Variants in C20orf204 observed in about 807,000 individuals in gnomAD.
C20orf204 encodes chromosome 20 open reading frame 204.
In C20orf204, 6 loss-of-function variants were observed where a neutral mutation model predicts 3.6. The ratio of observed to expected loss-of-function variants is 1.68; its 90% CI spans 0.92 to 3.31. The LOEUF is 3.31. Among genes scored for constraint, C20orf204 ranks in the 30% most tolerant of loss-of-function variants. The pLI is 0.00. For missense variants in C20orf204, 167 were observed against 89.7 expected, an observed-to-expected ratio of 1.86 and a Z score of -3.48; for synonymous variants, 80 against 41.4, an observed-to-expected ratio of 1.93 and a Z score of -3.58.
rs763862555 is a variant in C20orf204 at position 64,038,030 on chromosome 20, A to G, written c.107A>G (p.His36Arg). 45 of 521,022 alleles carry G rather than the reference A, an allele frequency of 8.6e-5. No homozygotes were observed. Among genetic ancestry groups the G allele is most frequent in the Non-Finnish European group, 1.5e-4 (44 of 296,700 alleles). The allele number at this position is 521,022 out of a possible 1,614,324, so 32.3% of individuals were successfully genotyped here. The change falls in exon 2 of 4, where the codon CAC becomes CGC. Residue 36 changes from histidine (H) to arginine (R), a missense_variant. By Grantham distance (29) the His-to-Arg change is conservative (BLOSUM62 0). Coordinates refer to ENST00000636176, the MANE Select transcript of C20orf204 (RefSeq NM_001387010.1). ...TGCAGCGTCCCCGACGTGCTCCGCC[A>G]CTATCGCGCCATCATCTTCGAGGAT... ...PACSVPDVLR[H>R]YRAIIFEDLQ...
chr20:64,037,550 C>G (rs2059342207), intron 1 of C20orf204: 1 of 189,072 alleles, frequency 5.3e-6, no homozygotes, highest in Non-Finnish European at 1.1e-5. Context: ...GTGCTCCACC[C>G]CTTGCTGGCC....
upstream of C20orf204, chr20:64,034,884 C>T (rs1013486435): frequency 6.6e-6 from 1 of 152,398 alleles, no homozygotes; most frequent in Non-Finnish European, 1.5e-5. Flanking sequence ...CAGCCTGGCC[C>T]TGTACAGATG....
upstream of C20orf204, chr20:64,034,922 C>T (rs1341986750): frequency 2.0e-5 from 3 of 152,342 alleles, no homozygotes; most frequent in African/African-American, 7.2e-5. Flanking sequence ...GAAGGAAGCC[C>T]TTCTCTGACC....
At position 64,038,121 on chromosome 20, in the gene C20orf204, T is replaced by G; in HGVS notation, c.198T>G (p.Phe66Leu). 1.8e-6 allele frequency: 1 copy of G among 549,524 alleles called. No individual in the cohort carries two copies. Among genetic ancestry groups the G allele is most frequent in the African/African-American group, 2.0e-5 (1 of 49,638 alleles). 34.0% of individuals were successfully genotyped at this position (549,524 alleles called of 1,614,324 possible). A position where few individuals can be genotyped will look rare whatever the true frequency, so the allele number is the denominator to read the frequency against. Residue 66 changes from phenylalanine to leucine, a missense_variant, in exon 2 of 4, where the codon TTT (phenylalanine) becomes TTG (leucine). Phe to Leu is a conservative substitution (Grantham distance 22). Coordinates refer to ENST00000636176, the MANE Select transcript of C20orf204 (RefSeq NM_001387010.1). ...AGACCAGGCCAGGCTCCAGACACTT[T>G]CATTTCATACAGAAAAACCTGACTA... The part of the protein sequence containing the change: ...AEKTRPGSRH[F>L]HFIQKNLTRP...
chr20:64,037,342 AG>A (rs2059341322), intron 1 of C20orf204: 1 of 152,236 alleles, frequency 6.6e-6, no homozygotes, highest in African/African-American at 2.4e-5. Context: ...TGGGGGTACA[AG>A]GAGTCCCCAG....
rs1235796839 is a variant in C20orf204 at position 64,038,119 on chromosome 20, T to C, written c.196T>C (p.Phe66Leu). ...AEKTRPGSRH[F>L]HFIQKNLTRP... ...AAAGACCAGGCCAGGCTCCAGACAC[T>C]TTCATTTCATACAGAAAAACCTGAC... Residue 66 changes from phenylalanine to leucine, a missense_variant, in exon 2 of 4, where the codon TTT becomes CTT. Transcript: ENST00000636176. 7 of 546,030 alleles carry C rather than the reference T, an allele frequency of 1.3e-5. No homozygotes were observed. Among genetic ancestry groups the C allele is most frequent in the African/African-American group, 4.1e-5 (2 of 49,304 alleles). The allele number at this position is 546,030 out of a possible 1,614,324, so 33.8% of individuals were successfully genotyped here. A position where few individuals can be genotyped will look rare whatever the true frequency, so the allele number is the denominator to read the frequency against.
At chr20:64,036,809 GC>G (rs2059339153) in intron 1 of C20orf204, 1 of 152,556 alleles carries the variant, frequency 6.6e-6, no homozygotes. Flanking sequence ...AGGGGCCACA[GC>G]AAGCCATCTG....
intron 1 of C20orf204, 140 bp downstream of exon 1, chr20:64,036,466 T>G (rs2059338010): frequency 6.6e-6 from 1 of 152,402 alleles, no homozygotes; most frequent in Non-Finnish European, 1.5e-5. Flanking sequence ...TGCGTCCCTG[T>G]GGGTGGCACT....
In C20orf204 at chr20:64,038,987, G is replaced by A. The variant is rs754586249; in HGVS notation, c.*228G>A. On this transcript the variant is annotated 3_prime_UTR_variant, in exon 4 of 4. Coordinates refer to ENST00000636176, the MANE Select transcript of C20orf204 (RefSeq NM_001387010.1). ...GAAGGCCTCAATAAACGGAGCTGGC[G>A]CTGCGGGTCCGGCACTCCCTTCGCC... 1.4e-6 allele frequency: 1 copy of A among 704,118 alleles called. No homozygotes were observed. Among genetic ancestry groups the A allele is most frequent in the South Asian group, 1.5e-5 (1 of 67,680 alleles). The allele number at this position is 704,118 out of a possible 1,614,324, so 43.6% of individuals were successfully genotyped here.
At chr20:64,034,120 C>T (rs941487187), upstream of C20orf204, among the ~76,000 whole-genome samples, 2 of 152,160 alleles carry the variant, frequency 1.3e-5, no homozygotes, top group Admixed American at 6.5e-5. Context: ...GGGAGGAGGG[C>T]GCTGTCATGT....
chr20:64,036,814 C>T (rs969689100), intron 1 of C20orf204: 4 of 152,488 alleles, frequency 2.6e-5, no homozygotes, highest in African/African-American at 9.6e-5. Context: ...CCACAGCAAG[C>T]CATCTGCTCT....
chr20:64,036,911 G>C (rs972185222), intron 1 of C20orf204: 2 of 152,352 alleles, frequency 1.3e-5, no homozygotes, highest in Admixed American at 1.3e-4. Flanking sequence ...GGTGCTGCTT[G>C]TTCAGGCTCC....
chr20:64,038,738 C>T lies in C20orf204; in HGVS notation c.549C>T (p.Ala183=). ...TCWEKLFALR[A]PASRDS ...GGGAGAAGCTCTTCGCGCTGCGCGC[C>T]CCGGCCTCCAGGGACTCCTAGCGCG... The change falls in exon 4 of 4, where the codon GCC becomes GCT. Residue 183 remains alanine (A), a synonymous_variant. Coordinates refer to ENST00000636176, the MANE Select transcript of C20orf204 (RefSeq NM_001387010.1). 1 of 690,938 alleles carries T rather than the reference C, an allele frequency of 1.4e-6. No homozygotes were observed. The highest frequency in any genetic ancestry group is 1.5e-5 in the South Asian group (1 of 65,274). The allele number at this position is 690,938 out of a possible 1,614,324, so 42.8% of individuals were successfully genotyped here.
chr20:64,038,809 C>T lies in C20orf204; in HGVS notation c.*50C>T. On this transcript the variant is annotated 3_prime_UTR_variant, in exon 4 of 4. Transcript: ENST00000636176. ...GGGAGGAGAACCAGCGGGGCCGCGG[C>T]AGAGCCTGGAGACGCGCCTCGTTCT... 1.4e-6 allele frequency: 1 copy of T among 698,774 alleles called. No homozygotes were observed. Among genetic ancestry groups the T allele is most frequent in the Non-Finnish European group, 2.7e-6 (1 of 377,192 alleles). 43.3% of individuals were successfully genotyped at this position (698,774 alleles called of 1,614,324 possible). A position where few individuals can be genotyped will look rare whatever the true frequency, so the allele number is the denominator to read the frequency against.
chr20:64,038,647 C>T lies in C20orf204; in HGVS notation c.458C>T (p.Pro153Leu), dbSNP rs1210100341. The change falls in exon 4 of 4, where the codon CCT (proline) becomes CTT (leucine). Residue 153 changes from proline to leucine, a missense_variant. Physicochemically the swap from Pro to Leu is moderately conservative, Grantham distance 98. Transcript: ENST00000636176. ...CGGAGCCGGCGGCCCAAGATGCGCC[C>T]TGCCCGGCGTCGCGGCGGCCGAAGG... is the stretch of plus-strand genomic sequence containing the variant. ...RQRSRRPKMRPARRRGGRRQL... is the reference protein window; with the variant it reads ...RQRSRRPKMRLARRRGGRRQL... 5 of 620,762 alleles carry T rather than the reference C, an allele frequency of 8.1e-6. No individual in the cohort carries two copies. Among genetic ancestry groups the T allele is most frequent in the Non-Finnish European group, 1.4e-5 (5 of 350,068 alleles). 38.5% of individuals were successfully genotyped at this position (620,762 alleles called of 1,614,324 possible). A position where few individuals can be genotyped will look rare whatever the true frequency, so the allele number is the denominator to read the frequency against.
rs1467590089 is a variant in C20orf204, at chr20:64,038,173, C to T, written c.250C>T (p.Arg84Trp). 4 of 592,052 alleles carry T rather than the reference C, an allele frequency of 6.8e-6. No individual in the cohort carries two copies. Among genetic ancestry groups the T allele is most frequent in the Non-Finnish European group, 9.2e-6 (3 of 326,596 alleles). 36.7% of individuals were successfully genotyped at this position (592,052 alleles called of 1,614,324 possible). A position where few individuals can be genotyped will look rare whatever the true frequency, so the allele number is the denominator to read the frequency against. The change falls in exon 2 of 4, where the codon CGG (arginine) becomes TGG (tryptophan). Residue 84 changes from arginine to tryptophan, a missense_variant. Physicochemically the swap from Arg to Trp is moderately radical, Grantham distance 101 (BLOSUM62 -3). Coordinates refer to ENST00000636176, the MANE Select transcript of C20orf204 (RefSeq NM_001387010.1). ...ACCCGGGAGCTCGGGACGGCGGGGACGGCCTCGGGCCTCCTGTGGCGCCCA... is the reference window on the plus strand; with the variant it reads ...ACCCGGGAGCTCGGGACGGCGGGGATGGCCTCGGGCCTCCTGTGGCGCCCA... ...TRPGSSGRRG[R>W]PRASCGAQKE...
chr20:64,038,207 G>T lies in C20orf204; in HGVS notation c.279+5G>T. The T allele has an allele frequency of 1.4e-6, 1 of 699,788 alleles. No homozygotes were observed. The highest frequency in any genetic ancestry group is 2.6e-6 in the Non-Finnish European group (1 of 379,568). 43.3% of individuals were successfully genotyped at this position (699,788 alleles called of 1,614,324 possible). On this transcript the variant is annotated splice_donor_5th_base_variant and intron_variant, in intron 2 of 3. Coordinates refer to ENST00000636176, the MANE Select transcript of C20orf204 (RefSeq NM_001387010.1). ...GCCTCCTGTGGCGCCCAGAAGGTATGGAGGAGGCGCCCCTACCCAAGCTCG... is the reference window on the plus strand; with the variant it reads ...GCCTCCTGTGGCGCCCAGAAGGTATTGAGGAGGCGCCCCTACCCAAGCTCG...
At position 64,038,207 on chromosome 20, in the gene C20orf204, G is replaced by A; in HGVS notation, c.279+5G>A. ...GCCTCCTGTGGCGCCCAGAAGGTAT[G>A]GAGGAGGCGCCCCTACCCAAGCTCG... On this transcript the variant is annotated splice_donor_5th_base_variant and intron_variant, in intron 2 of 3. Transcript: ENST00000636176. 1 of 699,788 alleles carries A rather than the reference G, an allele frequency of 1.4e-6. No homozygotes were observed. Among genetic ancestry groups the A allele is most frequent in the Non-Finnish European group, 2.6e-6 (1 of 379,568 alleles). 43.3% of individuals were successfully genotyped at this position (699,788 alleles called of 1,614,324 possible). A position where few individuals can be genotyped will look rare whatever the true frequency, so the allele number is the denominator to read the frequency against.
upstream of C20orf204, among the ~76,000 whole-genome samples, chr20:64,034,092 C>T (rs533921858): frequency 1.3e-5 from 2 of 152,308 alleles, no homozygotes; most frequent in South Asian, 2.1e-4. Flanking sequence ...GGTGGACAGT[C>T]GTTGAGGCCA....
Sources: gnomAD v4.1 joint callset for allele counts (sites outside exome capture counted in the v4.1 genomes callset) on GRCh38, gnomAD v4.1.1 for gene constraint, MANE v1.5 for transcripts, NCBI Gene and HGNC (gene_info 2026-07-23, HGNC 2026-07-21) for gene names.